Variants in CLDN15 observed in about 807,000 individuals in gnomAD.
CLDN15 encodes claudin 15, also known as claudin-15.
A neutral mutation model predicts 24.5 loss-of-function variants in CLDN15; 9 were observed. That is an observed-to-expected ratio of 0.37 (90% CI 0.22 to 0.64). The LOEUF (loss-of-function observed/expected upper bound fraction) is 0.64, where lower values mean the gene tolerates loss of function less well. CLDN15 is among the 30% of genes least tolerant of loss of function. The pLI is 0.63. For synonymous variants in CLDN15, 149 were observed against 131.4 expected (o/e 1.13, Z -0.92); for missense variants, 248 against 305.9 (o/e 0.81, Z 1.41).
In CLDN15 at chr7:101,233,348, G is replaced by A. The variant is rs75856086; in HGVS notation, c.383-434C>T. ...CTTTCCTGAAGCCAGGCAGACCCCCGGGCTAGCACCACCCTACTCACTGGG... is the reference window on the plus strand; with the variant it reads ...CTTTCCTGAAGCCAGGCAGACCCCCAGGCTAGCACCACCCTACTCACTGGG... On this transcript the variant is annotated intron_variant, in intron 2 of 4. Coordinates refer to ENST00000308344, the MANE Select transcript of CLDN15 (RefSeq NM_014343.3). Among the ~76,000 whole-genome samples, 83 of 152,090 alleles carry A rather than the reference G, an allele frequency of 5.5e-4. 3 individuals carry two copies. The East Asian group carries it at 0.016, about 29-fold the overall frequency.
At chr7:101,233,999 A>C in intron 2 of CLDN15, 1 of 629,496 alleles carries the variant, frequency 1.6e-6, no homozygotes, top group East Asian at 3.2e-5. Flanking sequence ...CTAGGATGTA[A>C]GCTCCCGGAG....
At chr7:101,238,328 G>T (rs558894257), upstream of CLDN15, 1 of 153,368 alleles carries the variant, frequency 6.5e-6, no homozygotes, top group East Asian at 1.9e-4. Flanking sequence ...CTCAGGCGGG[G>T]AGTTTTAGTC....
At chr7:101,234,256 C>T (rs566637872) in intron 2 of CLDN15, 22 bp downstream of exon 2, 2 of 1,585,924 alleles carry the variant, frequency 1.3e-6, no homozygotes, top group East Asian at 2.2e-5. Context: ...GGACCCCCGC[C>T]CCATCACCTT....
At chr7:101,234,141 G>C in intron 2 of CLDN15, 137 bp downstream of exon 2, 2 of 799,750 alleles carry the variant, frequency 2.5e-6, no homozygotes, top group Middle Eastern at 2.2e-4. Context: ...TGAGGCAGGG[G>C]TGAGCAGGTG....
At chr7:101,235,539 C>G (rs1798605406) in intron 1 of CLDN15, among the ~76,000 whole-genome samples, 1 of 152,156 alleles carries the variant, frequency 6.6e-6, no homozygotes, top group Admixed American at 6.6e-5. Context: ...TGCGGGCTCC[C>G]TCTTGCTTCC....
chr7:101,234,010 G>A, intron 2 of CLDN15: 1 of 655,338 alleles, frequency 1.5e-6, no homozygotes. Flanking sequence ...GCTCCCGGAG[G>A]CAGCCGCTCA....
chr7:101,236,860 A>C lies in CLDN15; in HGVS notation c.217+505T>G. On this transcript the variant is annotated intron_variant, in intron 1 of 4. Transcript: ENST00000308344. Reference sequence around the variant, plus strand: ...CGGACAAGGAGACCAGTGCCCCCCGACAGTGAGGCTGGGGAGTCTGTGGAG... The same window carrying C: ...CGGACAAGGAGACCAGTGCCCCCCGCCAGTGAGGCTGGGGAGTCTGTGGAG... 2.4e-6 allele frequency: 3 copies of C among 1,255,548 alleles called. No individual in the cohort carries two copies. The South Asian group carries it at 3.7e-5, about 16-fold the overall frequency. 77.8% of individuals were successfully genotyped at this position (1,255,548 alleles called of 1,614,324 possible). A position where few individuals can be genotyped will look rare whatever the true frequency, so the allele number is the denominator to read the frequency against.
chr7:101,237,881 C>CA (rs1798666451), upstream of CLDN15: 1 of 422,250 alleles, frequency 2.4e-6, no homozygotes, highest in African/African-American at 2.0e-5. This position sits in a 1 kb window ranked among gnomAD's most constrained non-coding sequence, Gnocchi z 4.0. Context: ...CCCCTCCCCC[C>CA]AGCCTCTGGG....
chr7:101,237,298 G>A lies in CLDN15; in HGVS notation c.217+67C>T, dbSNP rs1012634137. ...TCCCTGCATCCTCACGGAAGTACCC[G>A]CCCTCCCCTGGGGTCTCTGCAGCTT... On this transcript the variant is annotated intron_variant, in intron 1 of 4. Transcript: ENST00000308344. This position sits in a 1 kb window ranked among gnomAD's most constrained non-coding sequence, Gnocchi z 4.0. The A allele has an allele frequency of 1.2e-5, 12 of 1,037,152 alleles. No homozygotes were observed. Among genetic ancestry groups the A allele is most frequent in the Non-Finnish European group, 1.5e-5 (10 of 678,544 alleles). The allele number at this position is 1,037,152 out of a possible 1,614,324, so 64.2% of individuals were successfully genotyped here. A position where few individuals can be genotyped will look rare whatever the true frequency, so the allele number is the denominator to read the frequency against.
rs768592879 is a variant in CLDN15 at position 101,232,587 on chromosome 7, C to T, written c.581+17G>A. 7 of 1,594,174 alleles carry T rather than the reference C, an allele frequency of 4.4e-6. No homozygotes were observed. In the East Asian group the frequency reaches 1.1e-4, roughly 26 times the overall value. On this transcript the variant is annotated intron_variant, in intron 4 of 4. Coordinates refer to ENST00000308344, the MANE Select transcript of CLDN15 (RefSeq NM_014343.3). ...TCCAATCCCGCCCGGCCCCAGCCTG[C>T]GCCTCACCCTGCTCACCTGGCGGCT...
intron 1 of CLDN15, chr7:101,236,793 G>C (rs1221914626): frequency 7.7e-7 from 1 of 1,291,176 alleles, no homozygotes; most frequent in Non-Finnish European, 1.0e-6. Flanking sequence ...CCTGCAACTT[G>C]CAAGACGCCT....
chr7:101,234,127 C>T (rs779451587), intron 2 of CLDN15, 151 bp downstream of exon 2: 13 of 778,994 alleles, frequency 1.7e-5, no homozygotes, highest in Non-Finnish European at 3.0e-5. Context: ...CTGGGGAGTA[C>T]AGATGAGGCA....
Position 101,236,767 on chromosome 7 carries a change from T to C in CLDN15, c.217+598A>G, listed in dbSNP as rs1487430038. ...CACACCTGCACACACACCGCCTCCTTACAGCGGACGCTCAACCTGCAACTT... is the reference window on the plus strand; with the variant it reads ...CACACCTGCACACACACCGCCTCCTCACAGCGGACGCTCAACCTGCAACTT... On this transcript the variant is annotated intron_variant, in intron 1 of 4. Coordinates refer to ENST00000308344, the MANE Select transcript of CLDN15 (RefSeq NM_014343.3). 3.1e-6 allele frequency: 4 copies of C among 1,291,184 alleles called. No individual in the cohort carries two copies. The Admixed American group carries it at 6.9e-5, about 22-fold the overall frequency. The allele number at this position is 1,291,184 out of a possible 1,614,324, so 80.0% of individuals were successfully genotyped here. A position where few individuals can be genotyped will look rare whatever the true frequency, so the allele number is the denominator to read the frequency against.
chr7:101,238,091 G>A (rs73408493), upstream of CLDN15: 1,007 of 205,690 alleles, frequency 4.9e-3, 13 homozygotes, highest in African/African-American at 0.022. Context: ...ACAGACGTGA[G>A]AGCAATAAGG....
At chr7:101,236,575 G>A (rs1324573781) in intron 1 of CLDN15, among the ~76,000 whole-genome samples, 1 of 152,198 alleles carries the variant, frequency 6.6e-6, no homozygotes, top group African/African-American at 2.4e-5. Flanking sequence ...TCTGGCATAG[G>A]GCAGACGGAA....
At chr7:101,237,815 C>A (rs1044572888), upstream of CLDN15, 1 of 564,524 alleles carries the variant, frequency 1.8e-6, no homozygotes, top group South Asian at 2.1e-5. The surrounding 1 kb of genome is among the most constrained non-coding windows in gnomAD (Gnocchi z 4.0). Flanking sequence ...GCTAAGCCTG[C>A]GCGCGGCAGC....
At chr7:101,234,114 G>A (rs1382509150) in intron 2 of CLDN15, 164 bp downstream of exon 2, 2 of 759,884 alleles carry the variant, frequency 2.6e-6, no homozygotes, top group Non-Finnish European at 2.4e-6. Flanking sequence ...GCAGCCAGGA[G>A]ATCTGGGGAG....
upstream of CLDN15, chr7:101,237,855 C>G (rs1305321013): frequency 4.2e-6 from 2 of 479,586 alleles, no homozygotes; most frequent in South Asian, 2.1e-5. The surrounding 1 kb of genome is among the most constrained non-coding windows in gnomAD (Gnocchi z 4.0). Context: ...ATAACCGAAA[C>G]GGGCCAAAAG....
upstream of CLDN15, chr7:101,237,816 G>C (rs1241417714): frequency 3.5e-6 from 2 of 567,768 alleles, no homozygotes; most frequent in Non-Finnish European, 6.3e-6. The surrounding 1 kb of genome is among the most constrained non-coding windows in gnomAD (Gnocchi z 4.0). Context: ...CTAAGCCTGC[G>C]CGCGGCAGCT....
Sources: allele counts gnomAD v4.1 joint callset (sites outside exome capture counted in the v4.1 genomes callset), GRCh38; gene constraint gnomAD v4.1.1; non-coding constraint Gnocchi (gnomAD v3.1); transcripts MANE v1.5; gene names NCBI Gene and HGNC (gene_info 2026-07-23, HGNC 2026-07-21).